OSCAR: variants seen among roughly 807,000 people sequenced by gnomAD.
The protein encoded by OSCAR is osteoclast associated Ig-like receptor.
OSCAR carries 25 observed loss-of-function variants against 27.3 expected under a neutral mutation model. The ratio of observed to expected loss-of-function variants is 0.92; its 90% confidence interval spans 0.67 to 1.28. The LOEUF is 1.28. Ranked by LOEUF, OSCAR falls within the 50% of genes most tolerant of loss-of-function variation. The pLI, the probability that OSCAR is intolerant of heterozygous loss-of-function variation, is 0.00. For synonymous variants in OSCAR, 158 were observed against 165.7 expected (o/e 0.95, Z 0.36); for missense variants, 354 against 355.1 (o/e 1.00, Z 0.03).
intron 2 of OSCAR, among the ~76,000 whole-genome samples, chr19:54,097,988 GTTGGATCCC>G (rs1185443485): frequency 1.3e-5 from 2 of 152,006 alleles, no homozygotes; most frequent in Non-Finnish European, 2.9e-5. Flanking sequence ...AAAGAAAAAT[GTTGGATCCC>G]TACCTCATAC....
rs901310622 is a variant in OSCAR, at chr19:54,095,090, C to T, written c.*131G>A. On this transcript the variant is annotated 3_prime_UTR_variant, in exon 5 of 5. Transcript: ENST00000358375. Reference sequence around the variant, plus strand: ...AAAGAAGCTACAGCACAGGGCACAGCGGGGTCTAAGGACCGTTCCGCGGAG... The same window carrying T: ...AAAGAAGCTACAGCACAGGGCACAGTGGGGTCTAAGGACCGTTCCGCGGAG... 15 of 1,395,006 alleles carry T rather than the reference C, an allele frequency of 1.1e-5. No individual in the cohort carries two copies. Among genetic ancestry groups the T allele is most frequent in the South Asian group, 4.5e-5 (3 of 66,360 alleles). 86.4% of individuals were successfully genotyped at this position (1,395,006 alleles called of 1,614,324 possible).
rs2072634912 is a variant in OSCAR at position 54,095,865 on chromosome 19, C to T, written c.655+7G>A. On this transcript the variant is annotated splice_region_variant and intron_variant, in intron 4 of 4. Coordinates refer to ENST00000358375, the MANE Select transcript of OSCAR (RefSeq NM_133169.6). Reference sequence around the variant, plus strand: ...GGAGGAGGCGGGCCGGGCCTCAGGGCCCTCACCTTCCCAGCTGATGACCAG... The same window carrying T: ...GGAGGAGGCGGGCCGGGCCTCAGGGTCCTCACCTTCCCAGCTGATGACCAG... 1.3e-6 allele frequency: 2 copies of T among 1,553,932 alleles called. No individual in the cohort carries two copies. Among genetic ancestry groups the T allele is most frequent in the Non-Finnish European group, 1.7e-6 (2 of 1,148,360 alleles).
intron 2 of OSCAR, among the ~76,000 whole-genome samples, chr19:54,099,238 T>TTTTG (rs1555783317): frequency 1.6e-5 from 2 of 126,632 alleles, no homozygotes; most frequent in South Asian, 4.8e-4. Context: ...AATTTTTTTT[T>TTTTG]TTTTTTTTTT....
chr19:54,098,560 A>G (rs1216121934), intron 2 of OSCAR, among the ~76,000 whole-genome samples: 1 of 151,528 alleles, frequency 6.6e-6, no homozygotes, highest in Non-Finnish European at 1.5e-5. Flanking sequence ...TGAGAACTCC[A>G]TGGTGGCATG....
intron 2 of OSCAR, 126 bp from the exon 3 acceptor site, chr19:54,097,290 T>C: frequency 9.7e-7 from 1 of 1,029,480 alleles, no homozygotes; most frequent in Non-Finnish European, 1.4e-6. Context: ...AGTTTCCTGT[T>C]TGTAAAATCA....
Position 54,096,323 on chromosome 19 carries a change from TCTCTCTCTGCCTCC to T in OSCAR, c.374-184_374-171del, listed in dbSNP as rs1378812786. On this transcript the variant is annotated intron_variant, in intron 3 of 4. Transcript: ENST00000358375. ...CTGTCTGCCTCTCTCTCTGCCTCCC[TCTCTCTCTGCCTCC>T]CTCTCTCTGCCTCCCTCTCTCTCTG... 8.0e-4 allele frequency among the ~76,000 whole-genome samples: 118 copies of T among 148,320 alleles called. 4 individuals are homozygous for T. Among genetic ancestry groups the T allele is most frequent in the Admixed American group, 3.0e-3 (45 of 14,834 alleles).
chr19:54,096,179 G>C, intron 3 of OSCAR, 26 bp from the exon 4 acceptor site: 1 of 1,475,980 alleles, frequency 6.8e-7, no homozygotes, highest in Non-Finnish European at 8.9e-7. Context: ...GAGAGTCCGG[G>C]GCCGCGTGAG....
At chr19:54,098,798 C>T (rs2072879989) in intron 2 of OSCAR, among the ~76,000 whole-genome samples, 1 of 151,824 alleles carries the variant, frequency 6.6e-6, no homozygotes, top group Admixed American at 6.6e-5. Flanking sequence ...CCAGCCTGAC[C>T]AACATGGGGA....
In OSCAR at chr19:54,096,977, A is replaced by G; in HGVS notation, c.258T>C (p.Phe86=). Residue 86 remains phenylalanine, a synonymous_variant, in exon 3 of 5, where the codon TTT becomes TTC. Coordinates refer to ENST00000358375, the MANE Select transcript of OSCAR (RefSeq NM_133169.6). Reference sequence around the variant, plus strand: ...CTTGGGCTGGAGTCACCTCCTCCAGAAAGAATTCTGCCAGCTCGGAGGACA... The same window carrying G: ...CTTGGGCTGGAGTCACCTCCTCCAGGAAGAATTCTGCCAGCTCGGAGGACA... The part of the protein sequence containing the change: ...RDVSSELAEF[F]LEEVTPAQGG... 1 of 1,614,122 alleles carries G rather than the reference A, an allele frequency of 6.2e-7. No homozygotes were observed. The highest frequency in any genetic ancestry group is 8.5e-7 in the Non-Finnish European group (1 of 1,180,008).
In OSCAR at chr19:54,098,043, C is replaced by A. The variant is rs111557291; in HGVS notation, c.71-879G>T. Among the ~76,000 whole-genome samples the A allele has an allele frequency of 4.5e-4, 68 of 152,058 alleles. No homozygotes were observed. The Middle Eastern group carries it at 0.014, about 30-fold the overall frequency. On this transcript the variant is annotated intron_variant, in intron 2 of 4. Coordinates refer to ENST00000358375, the MANE Select transcript of OSCAR (RefSeq NM_133169.6). ...AACAACTTCCAGATTAATTAAAGAC[C>A]CTGTGTTTCTTTTTTTTTAAACTAT...
chr19:54,099,354 C>T (rs1467357709), intron 2 of OSCAR, among the ~76,000 whole-genome samples: 1 of 150,168 alleles, frequency 6.7e-6, no homozygotes, highest in East Asian at 2.0e-4. Flanking sequence ...CAGACGTTGG[C>T]CATTGCGCCC....
At position 54,095,067 on chromosome 19, in the gene OSCAR, A is replaced by G. The variant is rs2072555521; in HGVS notation, c.*154T>C. 2 of 1,262,688 alleles carry G rather than the reference A, an allele frequency of 1.6e-6. No individual in the cohort carries two copies. The highest frequency in any genetic ancestry group is 1.8e-5 in the South Asian group (1 of 55,582). The allele number at this position is 1,262,688 out of a possible 1,614,324, so 78.2% of individuals were successfully genotyped here. The stretch of plus-strand genomic sequence containing the variant: ...GCTACTCCTTGGGAAAGGCCTGGAA[A>G]GAAGCTACAGCACAGGGCACAGCGG... On this transcript the variant is annotated 3_prime_UTR_variant, in exon 5 of 5. Transcript: ENST00000358375.
Position 54,096,889 on chromosome 19 carries a change from T to C in OSCAR, c.346A>G (p.Ser116Gly), listed in dbSNP as rs929700309. Residue 116 changes from serine to glycine, a missense_variant, in exon 3 of 5, where the codon AGC becomes GGC. By Grantham distance (56) the Ser-to-Gly change is moderately conservative. Coordinates refer to ENST00000358375, the MANE Select transcript of OSCAR (RefSeq NM_133169.6). ...DWGPGVWSQP[S>G]DVLELLVTEE... Reference sequence around the variant, plus strand: ...GTCACCAGCAGCTCCAGGACATCGCTGGGCTGGGACCAGACACCCGGCCCC... The same window carrying C: ...GTCACCAGCAGCTCCAGGACATCGCCGGGCTGGGACCAGACACCCGGCCCC... The C allele has an allele frequency of 2.5e-6, 4 of 1,613,774 alleles. No individual in the cohort carries two copies. In the Admixed American group the frequency reaches 6.7e-5, roughly 27 times the overall value.
intron 2 of OSCAR, chr19:54,099,460 G>A (rs2072934329): frequency 2.1e-6 from 2 of 941,558 alleles, no homozygotes; most frequent in South Asian, 2.6e-5. Context: ...ATTTTACAGA[G>A]AAGGAAATGG....
chr19:54,099,628 G>A, intron 2 of OSCAR, 120 bp downstream of exon 2: 1 of 1,613,406 alleles, frequency 6.2e-7, no homozygotes, highest in Non-Finnish European at 8.5e-7. Context: ...AAGAAGGAAG[G>A]AATGGAGGGA....
In OSCAR at chr19:54,095,110, G is replaced by T; in HGVS notation, c.*111C>A. 1 of 1,465,512 alleles carries T rather than the reference G, an allele frequency of 6.8e-7. No individual in the cohort carries two copies. The highest frequency in any genetic ancestry group is 1.4e-5 in the South Asian group (1 of 71,332). The allele number at this position is 1,465,512 out of a possible 1,614,324, so 90.8% of individuals were successfully genotyped here. A position where few individuals can be genotyped will look rare whatever the true frequency, so the allele number is the denominator to read the frequency against. ...CACAGCGGGGTCTAAGGACCGTTCC[G>T]CGGAGCTCAGCCAGCAGGACTGTGG... is the stretch of plus-strand genomic sequence containing the variant. On this transcript the variant is annotated 3_prime_UTR_variant, in exon 5 of 5. Transcript: ENST00000358375.
intron 1 of OSCAR, among the ~76,000 whole-genome samples, chr19:54,100,161 T>C (rs1290453363): frequency 1.3e-5 from 2 of 152,158 alleles, no homozygotes; most frequent in South Asian, 2.1e-4. Flanking sequence ...CCCCATCTCA[T>C]TGGTAACCCA....
chr19:54,095,318 C>A lies in OSCAR; in HGVS notation c.695G>T (p.Arg232Leu), dbSNP rs756613333. The A allele has an allele frequency of 2.6e-5, 41 of 1,579,982 alleles. No homozygotes were observed. Among genetic ancestry groups the A allele is most frequent in the Non-Finnish European group, 3.2e-5 (37 of 1,163,376 alleles). ...GAGGACCAGCCCGGCCAGCCCCAGG[C>A]GGACTAGGTTCCCCCGGGTGTAGTC... ...SSDYTRGNLV[R>L]LGLAGLVLIS... Residue 232 changes from arginine (R) to leucine (L), a missense_variant, in exon 5 of 5, where the codon CGC (arginine) becomes CTC (leucine). Arg to Leu is a moderately radical substitution (Grantham distance 102, BLOSUM62 -2). Coordinates refer to ENST00000358375, the MANE Select transcript of OSCAR (RefSeq NM_133169.6).
chr19:54,099,473 T>A, intron 2 of OSCAR: 1 of 1,030,038 alleles, frequency 9.7e-7, no homozygotes, highest in Non-Finnish European at 1.5e-6. Context: ...GGAAATGGAG[T>A]CTTAGCAAGC....
Sources: gnomAD v4.1 joint callset for allele counts (sites outside exome capture counted in the v4.1 genomes callset) on GRCh38, gnomAD v4.1.1 for gene constraint, MANE v1.5 for transcripts, NCBI Gene and HGNC (gene_info 2026-07-23, HGNC 2026-07-21) for gene names.